The following COLEC11 variants were observed in gnomAD, a reference collection of about 807,000 sequenced individuals.
COLEC11 encodes collectin-11.
A neutral mutation model predicts 27.3 loss-of-function variants in COLEC11; 20 were observed. The ratio of observed to expected loss-of-function variants is 0.73; its 90% CI spans 0.51 to 1.06. COLEC11 has a LOEUF of 1.06. COLEC11 is among the 50% of genes least tolerant of loss of function. COLEC11 has a pLI of 0.00. For synonymous variants in COLEC11, 163 were observed against 154.7 expected (o/e 1.05, Z -0.40); for missense variants, 310 against 383.0 (o/e 0.81, Z 1.59).
intron 1 of COLEC11, among the ~76,000 whole-genome samples, chr2:3,600,494 G>T (rs1662139697): frequency 6.6e-6 from 1 of 152,202 alleles, no homozygotes; most frequent in Non-Finnish European, 1.5e-5. Context: ...AATTGAGGCT[G>T]CAGTGAGCCA....
At chr2:3,598,310 G>C (rs1485837750) in intron 1 of COLEC11, among the ~76,000 whole-genome samples, 1 of 152,218 alleles carries the variant, frequency 6.6e-6, no homozygotes, top group African/African-American at 2.4e-5. Context: ...GCCTGCCCTG[G>C]AAATACTGTG....
chr2:3,626,090 A>G lies in COLEC11; in HGVS notation c.203-11443A>G, dbSNP rs112274120. The G allele has an allele frequency of 6.7e-3, 10,829 of 1,613,034 alleles. 224 individuals are homozygous for G. The African/African-American group carries it at 0.072, about 11-fold the overall frequency. On this transcript the variant is annotated intron_variant, in intron 3 of 6. Coordinates refer to ENST00000349077, the MANE Select transcript of COLEC11 (RefSeq NM_024027.5). Reference sequence around the variant, plus strand: ...TCGTCCTTTGTAGAAATGGGATCACAGGGTAATGGATCTGGAAATCCCACC... The same window carrying G: ...TCGTCCTTTGTAGAAATGGGATCACGGGGTAATGGATCTGGAAATCCCACC...
At chr2:3,637,052 A>C (rs1350744581) in intron 3 of COLEC11, among the ~76,000 whole-genome samples, 1 of 152,160 alleles carries the variant, frequency 6.6e-6, no homozygotes, top group African/African-American at 2.4e-5. Context: ...CACACACCCG[A>C]GAGGAGCCAG....
chr2:3,642,010 C>A (rs981688205), intron 5 of COLEC11, among the ~76,000 whole-genome samples: 3 of 152,254 alleles, frequency 2.0e-5, no homozygotes, highest in Non-Finnish European at 4.4e-5. Flanking sequence ...TGTCACTCTT[C>A]ACAGGAAGAA....
chr2:3,624,417 C>T (rs1162737146), intron 3 of COLEC11, among the ~76,000 whole-genome samples: 1 of 152,206 alleles, frequency 6.6e-6, no homozygotes, highest in African/African-American at 2.4e-5. Context: ...TTCTTCCTAG[C>T]TCCCAGTCTC....
intron 3 of COLEC11, among the ~76,000 whole-genome samples, chr2:3,627,788 C>G (rs962904719): frequency 6.7e-6 from 1 of 148,944 alleles, no homozygotes; most frequent in Non-Finnish European, 1.5e-5. Context: ...AATCTGGGCA[C>G]GACGATGCTG....
intron 3 of COLEC11, among the ~76,000 whole-genome samples, chr2:3,617,056 T>TC (rs1327448048): frequency 2.6e-5 from 4 of 152,162 alleles, no homozygotes; most frequent in African/African-American, 9.7e-5. Flanking sequence ...CTCTTCAAGA[T>TC]CCGATTTCAT....
At chr2:3,623,982 C>G (rs745398287) in intron 3 of COLEC11, among the ~76,000 whole-genome samples, 2 of 152,190 alleles carry the variant, frequency 1.3e-5, no homozygotes, top group Non-Finnish European at 2.9e-5. Context: ...CTTTACAAAA[C>G]AGCCTGGCTA....
At chr2:3,637,303 A>G (rs1665493064) in intron 3 of COLEC11, among the ~76,000 whole-genome samples, 1 of 152,188 alleles carries the variant, frequency 6.6e-6, no homozygotes. Context: ...TATAGTGTGT[A>G]TGACTTCTGG....
At chr2:3,597,911 G>C (rs905555524) in intron 1 of COLEC11, among the ~76,000 whole-genome samples, 7 of 151,984 alleles carry the variant, frequency 4.6e-5, no homozygotes, top group Admixed American at 3.3e-4. Flanking sequence ...CATTATTTTT[G>C]TATTTTTTAT....
At chr2:3,616,847 T>A (rs1460247244) in intron 3 of COLEC11, among the ~76,000 whole-genome samples, 3 of 152,146 alleles carry the variant, frequency 2.0e-5, no homozygotes, top group Non-Finnish European at 2.9e-5. Context: ...TGGAACATTC[T>A]TATTTCACTT....
intron 1 of COLEC11, chr2:3,603,785 A>C: frequency 2.1e-6 from 2 of 951,590 alleles, no homozygotes; most frequent in South Asian, 1.5e-5. Flanking sequence ...CTCCTTACTG[A>C]TCTCACCGAG....
At chr2:3,603,189 T>C (rs1391733386) in intron 1 of COLEC11, among the ~76,000 whole-genome samples, 1 of 152,230 alleles carries the variant, frequency 6.6e-6, no homozygotes, top group Non-Finnish European at 1.5e-5. Flanking sequence ...CCAGGGCTGC[T>C]GTCCGCACTC....
chr2:3,634,055 T>C (rs977384495), intron 3 of COLEC11, among the ~76,000 whole-genome samples: 3 of 151,988 alleles, frequency 2.0e-5, no homozygotes, highest in African/African-American at 7.3e-5. Context: ...TTGCCCTAAC[T>C]CTCTCCCAAA....
At chr2:3,608,865 C>G (rs1390734585) in intron 2 of COLEC11, among the ~76,000 whole-genome samples, 1 of 152,194 alleles carries the variant, frequency 6.6e-6, no homozygotes, top group Non-Finnish European at 1.5e-5. Flanking sequence ...TGGTCCTGAA[C>G]CAGGGATTAA....
chr2:3,628,910 G>A (rs772218536), intron 3 of COLEC11, among the ~76,000 whole-genome samples: 1 of 152,202 alleles, frequency 6.6e-6, no homozygotes, highest in African/African-American at 2.4e-5. Context: ...TGTGGCGTTC[G>A]TGCCCAGTGT....
At chr2:3,603,642 C>G (rs1662403178) in intron 1 of COLEC11, 2 of 1,551,028 alleles carry the variant, frequency 1.3e-6, no homozygotes, top group East Asian at 4.9e-5. Context: ...TAACGCCCTT[C>G]ACGATGAAGA....
intron 2 of COLEC11, 49 bp from the exon 3 acceptor site, chr2:3,613,262 C>G (rs190851369): frequency 1.3e-6 from 2 of 1,557,452 alleles, no homozygotes; most frequent in Admixed American, 1.9e-5. Flanking sequence ...CACTCTGAGA[C>G]GCTGTGCTGG....
chr2:3,608,520 C>T (rs1479314463), intron 2 of COLEC11, among the ~76,000 whole-genome samples: 1 of 152,154 alleles, frequency 6.6e-6, no homozygotes, highest in Non-Finnish European at 1.5e-5. Flanking sequence ...GGACAATGAA[C>T]ACTTCAAACC....
Sources: gnomAD v4.1 joint callset for allele counts (sites outside exome capture counted in the v4.1 genomes callset) on GRCh38, gnomAD v4.1.1 for gene constraint, MANE v1.5 for transcripts, NCBI Gene and HGNC (gene_info 2026-07-23, HGNC 2026-07-21) for gene names.